The following MIR2052HG variants were observed in gnomAD, a reference collection of about 807,000 sequenced individuals.
MIR2052HG encodes the protein MIR2052 host gene.
At chr8:74,600,304 G>A (rs1807975847) in intron 1 of MIR2052HG, among the ~76,000 whole-genome samples, 1 of 150,978 alleles carries the variant, frequency 6.6e-6, no homozygotes, top group Admixed American at 6.6e-5. Flanking sequence ...TGGAGTTTCA[G>A]GTGGGCATGG....
chr8:74,654,963 T>G (rs1303506880), intron 2 of MIR2052HG, among the ~76,000 whole-genome samples: 2 of 152,064 alleles, frequency 1.3e-5, no homozygotes, highest in Non-Finnish European at 2.9e-5. Context: ...AGGTCTCAGA[T>G]GGAGATGAGG....
At chr8:74,719,760 G>A (rs754092605) in intron 4 of MIR2052HG, among the ~76,000 whole-genome samples, 12 of 151,910 alleles carry the variant, frequency 7.9e-5, no homozygotes, top group Admixed American at 2.0e-4. Context: ...AGCCTTAGCA[G>A]GAGGTGCTTG....
intron 4 of MIR2052HG, among the ~76,000 whole-genome samples, chr8:74,717,075 T>A (rs1809527775): frequency 6.6e-6 from 1 of 152,180 alleles, no homozygotes; most frequent in African/African-American, 2.4e-5. Context: ...TGTGCCATGG[T>A]GTTCTGCTGC....
chr8:74,724,099 T>A (rs545363474), intron 4 of MIR2052HG, among the ~76,000 whole-genome samples: 1 of 152,210 alleles, frequency 6.6e-6, no homozygotes, highest in Admixed American at 6.5e-5. Flanking sequence ...AATCTGTTCA[T>A]GTTTAATCAA....
chr8:74,601,222 A>C (rs890714495), intron 1 of MIR2052HG, among the ~76,000 whole-genome samples: 42 of 152,312 alleles, frequency 2.8e-4, no homozygotes, highest in African/African-American at 8.9e-4. Context: ...TTCATAGTCC[A>C]CTACCATTTG....
chr8:74,743,026 A>G (rs1809848172), intron 4 of MIR2052HG, among the ~76,000 whole-genome samples: 1 of 152,128 alleles, frequency 6.6e-6, no homozygotes, highest in African/African-American at 2.4e-5. Context: ...CCCACTAACT[A>G]TAACTAGCAG....
intron 2 of MIR2052HG, among the ~76,000 whole-genome samples, chr8:74,658,105 C>A (rs1808825152): frequency 6.6e-6 from 1 of 152,160 alleles, no homozygotes; most frequent in African/African-American, 2.4e-5. Context: ...CTTTTGAACA[C>A]CATTTTTCAA....
chr8:74,729,015 A>G (rs1276282276), intron 4 of MIR2052HG, among the ~76,000 whole-genome samples: 1 of 152,182 alleles, frequency 6.6e-6, no homozygotes, highest in Non-Finnish European at 1.5e-5. Context: ...TAGAGTCTGT[A>G]AAACATTCAA....
intron 2 of MIR2052HG, among the ~76,000 whole-genome samples, chr8:74,641,281 A>C (rs1050049968): frequency 6.6e-6 from 1 of 152,144 alleles, no homozygotes; most frequent in Non-Finnish European, 1.5e-5. Flanking sequence ...TCCTGGGTGC[A>C]TTTGCGGCCA....
At chr8:74,688,077 T>G (rs2128739652) in intron 2 of MIR2052HG, among the ~76,000 whole-genome samples, 1 of 152,310 alleles carries the variant, frequency 6.6e-6, no homozygotes, top group Non-Finnish European at 1.5e-5. Flanking sequence ...GAGAACATAC[T>G]TTGGGCTGCG....
At chr8:74,669,588 A>T (rs1472732465) in intron 2 of MIR2052HG, among the ~76,000 whole-genome samples, 1 of 151,902 alleles carries the variant, frequency 6.6e-6, no homozygotes, top group Non-Finnish European at 1.5e-5. Flanking sequence ...CATATGATGA[A>T]CCTCTACTTA....
intron 1 of MIR2052HG, among the ~76,000 whole-genome samples, chr8:74,600,112 C>A (rs1349742722): frequency 6.6e-6 from 1 of 152,262 alleles, no homozygotes; most frequent in South Asian, 2.1e-4. Flanking sequence ...CAGCCACTGA[C>A]CTTCGCCCAC....
At chr8:74,679,342 A>C (rs1163838209) in intron 2 of MIR2052HG, among the ~76,000 whole-genome samples, 1 of 151,934 alleles carries the variant, frequency 6.6e-6, no homozygotes, top group Non-Finnish European at 1.5e-5. Context: ...ACAACACATG[A>C]TATTTGGTTT....
intron 2 of MIR2052HG, among the ~76,000 whole-genome samples, chr8:74,622,449 C>T (rs1447824628): frequency 1.3e-5 from 2 of 151,906 alleles, no homozygotes; most frequent in South Asian, 4.1e-4. Flanking sequence ...ACTAAAAATA[C>T]AAAAATTAGC....
At chr8:74,675,718 C>T (rs1809044089) in intron 2 of MIR2052HG, among the ~76,000 whole-genome samples, 1 of 151,760 alleles carries the variant, frequency 6.6e-6, no homozygotes, top group Non-Finnish European at 1.5e-5. Context: ...TATAAAATAC[C>T]ATAGAAAACA....
intron 1 of MIR2052HG, chr8:74,599,960 G>T (rs201352470): frequency 1.0e-5 from 1 of 98,174 alleles, no homozygotes; most frequent in Non-Finnish European, 2.2e-5. Context: ...TCGGAAAAGC[G>T]CAGTATTCGG....
chr8:74,607,034 A>G (rs1808121716), intron 1 of MIR2052HG, among the ~76,000 whole-genome samples: 1 of 152,080 alleles, frequency 6.6e-6, no homozygotes, highest in African/African-American at 2.4e-5. Context: ...AAAAAAATTG[A>G]AAGATTGGAG....
At chr8:74,719,215 T>A (rs1316109951) in intron 4 of MIR2052HG, among the ~76,000 whole-genome samples, 1 of 152,154 alleles carries the variant, frequency 6.6e-6, no homozygotes, top group Non-Finnish European at 1.5e-5. Flanking sequence ...AGGGTGACTC[T>A]AGCAATTTAT....
intron 1 of MIR2052HG, among the ~76,000 whole-genome samples, chr8:74,602,825 C>CT (rs1330945074): frequency 1.9e-4 from 24 of 126,062 alleles, no homozygotes; most frequent in African/African-American, 7.5e-4. Context: ...GTGTTTCTTT[C>CT]TTTCTTTCTT....
Sources: gnomAD v4.1 joint callset for allele counts (sites outside exome capture counted in the v4.1 genomes callset) on GRCh38, gnomAD v4.1.1 for gene constraint, MANE v1.5 for transcripts, NCBI Gene and HGNC (gene_info 2026-07-23, HGNC 2026-07-21) for gene names.